Variants in TMC1 observed in about 807,000 individuals in gnomAD.
TMC1 encodes the protein transmembrane channel like 1.
In TMC1, 84 loss-of-function variants were observed where a neutral mutation model predicts 105.8. The observed-to-expected ratio is 0.79, with a 90% CI of 0.67 to 0.95. The LOEUF (loss-of-function observed/expected upper bound fraction) is 0.95, where lower values mean the gene tolerates loss of function less well. TMC1 is among the 40% of genes least tolerant of loss of function. The pLI is 0.00. For synonymous variants in TMC1, 315 were observed against 311.5 expected (o/e 1.01, Z -0.12); for missense variants, 817 against 914.1 (o/e 0.89, Z 1.37).
At chr9:72,561,892 G>A (rs894066986) in intron 1 of TMC1, among the ~76,000 whole-genome samples, 20 of 151,936 alleles carry the variant, frequency 1.3e-4, no homozygotes, top group African/African-American at 4.6e-4. Flanking sequence ...CCTGTAATCC[G>A]CACTACTTGG....
chr9:72,802,247 A>T (rs1828486123), intron 17 of TMC1, among the ~76,000 whole-genome samples: 1 of 145,940 alleles, frequency 6.9e-6, no homozygotes, highest in Admixed American at 6.7e-5. Context: ...ACATACATAC[A>T]TACATATATA....
intron 8 of TMC1, among the ~76,000 whole-genome samples, chr9:72,703,041 C>G: frequency 6.6e-6 from 1 of 151,914 alleles, no homozygotes; most frequent in East Asian, 1.9e-4. Flanking sequence ...TTAACCGTGG[C>G]AATATATACA....
chr9:72,581,850 T>C (rs1478710662), intron 2 of TMC1, among the ~76,000 whole-genome samples: 1 of 152,212 alleles, frequency 6.6e-6, no homozygotes, highest in Non-Finnish European at 1.5e-5. Context: ...GAATTTTTTT[T>C]GTGTGTTAGG....
intron 8 of TMC1, among the ~76,000 whole-genome samples, chr9:72,705,793 T>C (rs1588041484): frequency 6.6e-6 from 1 of 152,348 alleles, no homozygotes; most frequent in East Asian, 1.9e-4. Context: ...TTTAAAATGA[T>C]TTATTTTGAT....
At chr9:72,779,229 C>T (rs1329171122) in intron 13 of TMC1, among the ~76,000 whole-genome samples, 1 of 152,170 alleles carries the variant, frequency 6.6e-6, no homozygotes, top group African/African-American at 2.4e-5. Flanking sequence ...GTTGACTAGA[C>T]CTAACTTATA....
intron 17 of TMC1, among the ~76,000 whole-genome samples, chr9:72,801,376 G>T (rs35468312): frequency 1.3e-5 from 2 of 152,092 alleles, no homozygotes; most frequent in African/African-American, 4.8e-5. Flanking sequence ...TATTATTTCC[G>T]TTTTATAGAT....
At chr9:72,526,517 AAG>A (rs1823410152) in intron 1 of TMC1, among the ~76,000 whole-genome samples, 1 of 152,200 alleles carries the variant, frequency 6.6e-6, no homozygotes, top group Non-Finnish European at 1.5e-5. Flanking sequence ...TAAACTTGTA[AAG>A]GAATTAAACT....
At chr9:72,816,516 TTA>T (rs1828790728) in intron 19 of TMC1, among the ~76,000 whole-genome samples, 2 of 152,194 alleles carry the variant, frequency 1.3e-5, no homozygotes, top group African/African-American at 2.4e-5. Context: ...TATTAAAACA[TTA>T]ATAATTACAT....
chr9:72,648,723 T>C (rs1432675070), intron 5 of TMC1, 59 bp downstream of exon 5: 2 of 1,482,420 alleles, frequency 1.3e-6, no homozygotes, highest in African/African-American at 1.4e-5. Flanking sequence ...GGTATAAAGG[T>C]ATTTGAAAAC....
At position 72,540,596 on chromosome 9, in the gene TMC1, G is replaced by A. The variant is rs915540366; in HGVS notation, c.-428+18683G>A. On this transcript the variant is annotated intron_variant, in intron 1 of 23. Transcript: ENST00000297784. The stretch of plus-strand genomic sequence containing the variant: ...TTACTGTTTTGAAGTTGGCTCTTAT[G>A]CCTGTTTGTCTTTGCAATCTGTCTC... 4.6e-5 allele frequency among the ~76,000 whole-genome samples: 7 copies of A among 152,072 alleles called. No homozygotes were observed. The East Asian group carries it at 1.4e-3, about 29-fold the overall frequency.
chr9:72,522,823 A>G (rs1288579688), intron 1 of TMC1, among the ~76,000 whole-genome samples: 2 of 152,214 alleles, frequency 1.3e-5, no homozygotes, highest in Admixed American at 1.3e-4. Context: ...GTCATATTTT[A>G]AAGGAACTCA....
chr9:72,795,370 GA>G (rs1359088105), intron 17 of TMC1, among the ~76,000 whole-genome samples: 1 of 151,972 alleles, frequency 6.6e-6, no homozygotes, highest in Non-Finnish European at 1.5e-5. Flanking sequence ...AGGTCAAAAT[GA>G]AAAAATGTTA....
intron 1 of TMC1, among the ~76,000 whole-genome samples, chr9:72,530,614 A>G (rs1823483642): frequency 6.6e-6 from 1 of 150,686 alleles, no homozygotes; most frequent in South Asian, 2.1e-4. Flanking sequence ...TTCTCAAGGT[A>G]TTTTCTGTGC....
At chr9:72,597,169 G>C (rs1248048215) in intron 2 of TMC1, among the ~76,000 whole-genome samples, 1 of 152,204 alleles carries the variant, frequency 6.6e-6, no homozygotes, top group Non-Finnish European at 1.5e-5. Flanking sequence ...ACTTTCTAAT[G>C]CTGGCTCTTT....
intron 1 of TMC1, among the ~76,000 whole-genome samples, chr9:72,546,858 T>C (rs1283544029): frequency 6.6e-6 from 1 of 152,226 alleles, no homozygotes; most frequent in Non-Finnish European, 1.5e-5. Flanking sequence ...AGCATAATAC[T>C]TCAAAAGTTG....
intron 2 of TMC1, among the ~76,000 whole-genome samples, chr9:72,589,883 T>C (rs1451090649): frequency 1.3e-5 from 2 of 152,146 alleles, no homozygotes; most frequent in Non-Finnish European, 2.9e-5. Flanking sequence ...AACTTACTAT[T>C]ACTATATTGA....
chr9:72,785,930 G>A (rs560603174), intron 13 of TMC1, among the ~76,000 whole-genome samples: 1 of 152,238 alleles, frequency 6.6e-6, no homozygotes, highest in Non-Finnish European at 1.5e-5. Flanking sequence ...GTCTTATCCT[G>A]TGGGCTTCTA....
intron 12 of TMC1, among the ~76,000 whole-genome samples, chr9:72,765,833 T>C (rs1273057511): frequency 6.6e-6 from 1 of 152,116 alleles, no homozygotes; most frequent in Non-Finnish European, 1.5e-5. Flanking sequence ...TGTAATGGCA[T>C]TGGGCATAGG....
intron 2 of TMC1, among the ~76,000 whole-genome samples, chr9:72,615,331 T>TC (rs1160499059): frequency 1.3e-5 from 2 of 152,186 alleles, no homozygotes; most frequent in Admixed American, 1.3e-4. Context: ...AGTCACACAG[T>TC]CAGTGATACT....
Sources: allele counts gnomAD v4.1 joint callset (sites outside exome capture counted in the v4.1 genomes callset), GRCh38; gene constraint gnomAD v4.1.1; transcripts MANE v1.5; gene names NCBI Gene and HGNC (gene_info 2026-07-23, HGNC 2026-07-21).